Variants in ARMC8 observed in about 807,000 individuals in gnomAD.
ARMC8 encodes armadillo repeat containing 8.
ARMC8 carries 20 observed loss-of-function variants against 99.3 expected under a neutral mutation model. The observed-to-expected ratio is 0.20, with a 90% CI of 0.14 to 0.29. ARMC8 has a LOEUF of 0.29. Among genes scored for constraint, ARMC8 ranks in the 10% least tolerant of loss-of-function variants. The probability of loss-of-function intolerance (pLI) is 1.00; values close to 1 mark genes in which losing one functional copy is unlikely to be tolerated. For synonymous variants in ARMC8, 263 were observed against 278.3 expected (o/e 0.95, Z 0.55); for missense variants, 569 against 809.5 (o/e 0.70, Z 3.60).
chr3:138,227,376 T>C (rs1181031990), intron 5 of ARMC8, among the ~76,000 whole-genome samples: 1 of 152,224 alleles, frequency 6.6e-6, no homozygotes, highest in African/African-American at 2.4e-5. Flanking sequence ...TTGCCTTTTC[T>C]ATCTTAGCTG....
intron 12 of ARMC8, chr3:138,245,537 T>G: frequency 8.8e-7 from 1 of 1,131,954 alleles, no homozygotes; most frequent in Non-Finnish European, 1.1e-6. Flanking sequence ...GAATTGTAAA[T>G]GTTATTTATG....
chr3:138,257,222 G>A (rs1272290167), intron 12 of ARMC8, among the ~76,000 whole-genome samples: 3 of 152,188 alleles, frequency 2.0e-5, no homozygotes, highest in South Asian at 2.1e-4. Flanking sequence ...TACTTGATTC[G>A]TGGAATACCA....
At chr3:138,195,112 T>TA (rs2043640536) in intron 1 of ARMC8, among the ~76,000 whole-genome samples, 1 of 151,628 alleles carries the variant, frequency 6.6e-6, no homozygotes, top group Non-Finnish European at 1.5e-5. Context: ...CCGTCTCTAC[T>TA]AAAAAATACA....
At chr3:138,189,872 G>T (rs1457008492) in intron 1 of ARMC8, among the ~76,000 whole-genome samples, 2 of 152,108 alleles carry the variant, frequency 1.3e-5, no homozygotes, top group Non-Finnish European at 2.9e-5. Context: ...TCTCCTAAGG[G>T]GAATTAGTTA....
intron 21 of ARMC8, among the ~76,000 whole-genome samples, chr3:138,294,402 T>TG (rs1181285752): frequency 2.6e-5 from 4 of 152,202 alleles, no homozygotes; most frequent in Non-Finnish European, 4.4e-5. Context: ...GGATGGTCTG[T>TG]GGCATCATTC....
intron 18 of ARMC8, among the ~76,000 whole-genome samples, chr3:138,275,508 A>G (rs1298734279): frequency 2.0e-5 from 3 of 152,118 alleles, no homozygotes; most frequent in African/African-American, 7.2e-5. Flanking sequence ...GCAGTGATCC[A>G]AGATAGCACC....
intron 18 of ARMC8, among the ~76,000 whole-genome samples, chr3:138,283,697 GA>G (rs1349448399): frequency 6.6e-6 from 1 of 152,184 alleles, no homozygotes; most frequent in Non-Finnish European, 1.5e-5. Context: ...CTGGCTTTGA[GA>G]ATGGAACAGC....
At chr3:138,231,751 C>G (rs902201511) in intron 6 of ARMC8, among the ~76,000 whole-genome samples, 4 of 151,422 alleles carry the variant, frequency 2.6e-5, no homozygotes, top group East Asian at 2.0e-4. Flanking sequence ...CAAGACCAGC[C>G]TGGGCAACGT....
At chr3:138,284,368 T>C (rs2050207863) in intron 18 of ARMC8, 63 bp from the exon 19 acceptor site, 6 of 1,314,406 alleles carry the variant, frequency 4.6e-6, no homozygotes, top group Non-Finnish European at 6.6e-6. Flanking sequence ...CCCAAGCTCT[T>C]GAGACAGCTT....
At position 138,270,023 on chromosome 3, in the gene ARMC8, TCCCTGTCCAATGGCAGCCAA is replaced by T. The variant is rs1576896981; in HGVS notation, c.1387-16_1390del. 3 of 1,578,878 alleles carry T rather than the reference TCCCTGTCCAATGGCAGCCAA, an allele frequency of 1.9e-6. No homozygotes were observed. The highest frequency in any genetic ancestry group is 1.1e-5 in the South Asian group (1 of 90,092). ...GACTTTAAAGCTGTGATTTTTTTTTTCCCTGTCCAATGGCAGCCAATTTTGGAATCAGGAGCCGTAGAGCT... is the reference window on the plus strand; with the variant it reads ...GACTTTAAAGCTGTGATTTTTTTTTTTTTTGGAATCAGGAGCCGTAGAGCT... On this transcript the variant is annotated splice_acceptor_variant and splice_polypyrimidine_tract_variant and coding_sequence_variant and intron_variant, in exon 16 of 22. Transcript: ENST00000469044. LOFTEE classifies it high-confidence loss of function.
intron 12 of ARMC8, among the ~76,000 whole-genome samples, chr3:138,247,934 A>C (rs1012468149): frequency 6.6e-6 from 1 of 152,256 alleles, no homozygotes; most frequent in African/African-American, 2.4e-5. Context: ...AAATATAGAA[A>C]TGAAAATGCA....
In ARMC8 at chr3:138,284,361, A is replaced by G. The variant is rs1420379127; in HGVS notation, c.1726-70A>G. The stretch of plus-strand genomic sequence containing the variant: ...TGTACCTTCAAGTGAAAAATTGCCC[A>G]AGCTCTTGAGACAGCTTGACTCTGG... On this transcript the variant is annotated intron_variant, in intron 18 of 21. Coordinates refer to ENST00000469044, the MANE Select transcript of ARMC8 (RefSeq NM_001363941.2). 3.2e-6 allele frequency: 4 copies of G among 1,239,978 alleles called. No homozygotes were observed. The East Asian group carries it at 7.0e-5, about 22-fold the overall frequency. The allele number at this position is 1,239,978 out of a possible 1,614,324, so 76.8% of individuals were successfully genotyped here.
At chr3:138,238,932 GA>G (rs1449851020) in intron 9 of ARMC8, 1 of 152,154 alleles carries the variant, frequency 6.6e-6, no homozygotes, top group Non-Finnish European at 1.5e-5. Context: ...TTTTTCAGTA[GA>G]ACCAAATTAT....
At chr3:138,214,669 T>G (rs930759438) in intron 2 of ARMC8, among the ~76,000 whole-genome samples, 1 of 152,204 alleles carries the variant, frequency 6.6e-6, no homozygotes, top group African/African-American at 2.4e-5. Context: ...TTTTTTGTTT[T>G]GTTTTGAGAT....
intron 2 of ARMC8, among the ~76,000 whole-genome samples, chr3:138,212,331 C>T (rs1486822036): frequency 4.5e-4 from 60 of 132,248 alleles, no homozygotes; most frequent in Middle Eastern, 9.6e-3. Flanking sequence ...TTTTTTGAGA[C>T]GGAGTTTCAC....
intron 12 of ARMC8, among the ~76,000 whole-genome samples, chr3:138,253,911 C>G (rs138675211): frequency 6.6e-6 from 1 of 152,178 alleles, no homozygotes; most frequent in Non-Finnish European, 1.5e-5. Flanking sequence ...TAAGATATGA[C>G]TGTAATTGAA....
intron 16 of ARMC8, among the ~76,000 whole-genome samples, chr3:138,272,763 T>A (rs2048914334): frequency 6.6e-6 from 1 of 152,068 alleles, no homozygotes; most frequent in African/African-American, 2.4e-5. Flanking sequence ...TACTCCCAGC[T>A]ACTCAGGAGA....
intron 5 of ARMC8, among the ~76,000 whole-genome samples, chr3:138,224,003 G>A (rs2045549069): frequency 6.8e-6 from 1 of 146,378 alleles, no homozygotes; most frequent in Admixed American, 6.9e-5. Flanking sequence ...CTGTCACCCA[G>A]GCTAGAGTGC....
chr3:138,255,665 T>C (rs1228830691), intron 12 of ARMC8, among the ~76,000 whole-genome samples: 1 of 152,170 alleles, frequency 6.6e-6, no homozygotes. Context: ...TAAGAGAAAC[T>C]GAACAGCTTT....
Sources: gnomAD v4.1 joint callset for allele counts (sites outside exome capture counted in the v4.1 genomes callset) on GRCh38, gnomAD v4.1.1 for gene constraint, MANE v1.5 for transcripts, NCBI Gene and HGNC (gene_info 2026-07-23, HGNC 2026-07-21) for gene names.